HGSNAT: variants seen among roughly 807,000 people sequenced by gnomAD.
The protein encoded by HGSNAT is transmembrane protein 76.
In HGSNAT, 59 loss-of-function variants were observed where a neutral mutation model predicts 85.2. The ratio of observed to expected loss-of-function variants is 0.69; its 90% CI spans 0.56 to 0.86. The LOEUF (loss-of-function observed/expected upper bound fraction) is 0.86. Among genes scored for constraint, HGSNAT ranks in the 40% least tolerant of loss-of-function variants. The pLI is 0.00. For synonymous variants in HGSNAT, 321 were observed against 304.5 expected (o/e 1.05, Z -0.56); for missense variants, 756 against 777.1 (o/e 0.97, Z 0.32).
intron 7 of HGSNAT, among the ~76,000 whole-genome samples, chr8:43,171,148 C>G (rs1803613781): frequency 6.6e-6 from 1 of 152,134 alleles, no homozygotes; most frequent in Non-Finnish European, 1.5e-5. Context: ...ACCCATAGCC[C>G]TGGTAGAAGA....
chr8:43,143,847 A>G (rs1052264911), intron 1 of HGSNAT, among the ~76,000 whole-genome samples: 1 of 151,788 alleles, frequency 6.6e-6, no homozygotes, highest in African/African-American at 2.4e-5. Context: ...TGCCTGGCCC[A>G]CCAGGAGCTA....
chr8:43,197,983 G>A, intron 17 of HGSNAT, 31 bp downstream of exon 17: 1 of 1,508,792 alleles, frequency 6.6e-7, no homozygotes, highest in Non-Finnish European at 9.2e-7. Flanking sequence ...AACAGAGCTG[G>A]GATGGTGACC....
chr8:43,158,892 C>T (rs1468165837), intron 3 of HGSNAT, 31 bp from the exon 4 acceptor site: 4 of 1,587,716 alleles, frequency 2.5e-6, no homozygotes, highest in Admixed American at 1.8e-5. Context: ...CTAATCTAAC[C>T]ACTTGTCTTA....
chr8:43,140,883 C>T (rs1292757367), intron 1 of HGSNAT, among the ~76,000 whole-genome samples: 4 of 152,180 alleles, frequency 2.6e-5, no homozygotes, highest in Non-Finnish European at 4.4e-5. Context: ...GGCGCCCACC[C>T]CAGCGGAGCC....
At chr8:43,147,333 C>T (rs1462284909) in intron 2 of HGSNAT, among the ~76,000 whole-genome samples, 2 of 152,192 alleles carry the variant, frequency 1.3e-5, no homozygotes, top group African/African-American at 4.8e-5. Flanking sequence ...TTTTCCTCCT[C>T]TCTAGTGCAT....
intron 11 of HGSNAT, among the ~76,000 whole-genome samples, chr8:43,183,436 G>A (rs527791037): frequency 7.6e-4 from 115 of 151,486 alleles, no homozygotes; most frequent in African/African-American, 2.7e-3. Context: ...CAAAATGCTA[G>A]GACTACAGGT....
intron 2 of HGSNAT, among the ~76,000 whole-genome samples, chr8:43,148,505 A>G (rs1802785001): frequency 6.6e-6 from 1 of 151,396 alleles, no homozygotes; most frequent in South Asian, 2.1e-4. Flanking sequence ...ATTAAAAAAG[A>G]GGCCAGGCAT....
At position 43,154,366 on chromosome 8, in the gene HGSNAT, C is replaced by T. The variant is rs138069981; in HGVS notation, c.235-4209C>T. Among the ~76,000 whole-genome samples, 476 of 140,740 alleles carry T rather than the reference C, an allele frequency of 3.4e-3. 4 individuals carry two copies. The highest frequency in any genetic ancestry group is 0.011 in the African/African-American group (432 of 38,506). 92.3% of individuals were successfully genotyped at this position (140,740 alleles called of 152,430 possible). A position where few individuals can be genotyped will look rare whatever the true frequency, so the allele number is the denominator to read the frequency against. On this transcript the variant is annotated intron_variant, in intron 2 of 17. Transcript: ENST00000379644. The stretch of plus-strand genomic sequence containing the variant: ...CCCCTCCCCCCACCGCACAGCAGGT[C>T]CTGGTGTGTGATGTTCCCCTTCCTG...
chr8:43,183,889 G>A (rs1438539663), intron 11 of HGSNAT, among the ~76,000 whole-genome samples: 9 of 152,062 alleles, frequency 5.9e-5, no homozygotes, highest in Non-Finnish European at 1.3e-4. Context: ...TGTAGTGTTT[G>A]GTTTTCTGTC....
chr8:43,190,997 G>C (rs1399881566), intron 11 of HGSNAT, among the ~76,000 whole-genome samples: 1 of 152,190 alleles, frequency 6.6e-6, no homozygotes, highest in Non-Finnish European at 1.5e-5. Flanking sequence ...TATACATGAA[G>C]TCATATAACG....
rs192866498 is a variant in HGSNAT at position 43,166,504 on chromosome 8, A to T, written c.564-2669A>T. On this transcript the variant is annotated intron_variant, in intron 5 of 17. Transcript: ENST00000379644. Reference sequence around the variant, plus strand: ...CCTCTGTCTGTGCTCAATAAATGGAACAGCAAAGCCTGGATGACAGCACAT... The same window carrying T: ...CCTCTGTCTGTGCTCAATAAATGGATCAGCAAAGCCTGGATGACAGCACAT... Among the ~76,000 whole-genome samples, 13 of 152,352 alleles carry T rather than the reference A, an allele frequency of 8.5e-5. No individual in the cohort carries two copies. The East Asian group carries it at 2.3e-3, about 27-fold the overall frequency.
intron 5 of HGSNAT, 39 bp from the exon 6 acceptor site, chr8:43,169,134 A>C: frequency 7.7e-7 from 1 of 1,293,194 alleles, no homozygotes; most frequent in Non-Finnish European, 1.1e-6. Context: ...AAATTCTGCC[A>C]ATGAAAATAA....
rs1260742657 is a variant in HGSNAT at position 43,140,574 on chromosome 8, C to A, written c.78C>A (p.Gly26=). 5.7e-6 allele frequency: 7 copies of A among 1,226,874 alleles called. No homozygotes were observed. Among genetic ancestry groups the A allele is most frequent in the South Asian group, 2.5e-5 (1 of 40,208 alleles). 76.0% of individuals were successfully genotyped at this position (1,226,874 alleles called of 1,614,324 possible). The change falls in exon 1 of 18, where the codon GGC becomes GGA. Residue 26 remains glycine, a synonymous_variant. Transcript: ENST00000379644. ...TGAGCGCCGCGCTGCTGGCCCCCGGCGGCTCTTCGGGGCGCGATGCCCAGG... is the reference window on the plus strand; with the variant it reads ...TGAGCGCCGCGCTGCTGGCCCCCGGAGGCTCTTCGGGGCGCGATGCCCAGG... ...SVLSAALLAP[G]GSSGRDAQAA...
intron 4 of HGSNAT, among the ~76,000 whole-genome samples, chr8:43,161,032 G>A (rs1803250836): frequency 6.6e-6 from 1 of 152,200 alleles, no homozygotes; most frequent in Admixed American, 6.5e-5. Context: ...GGCACACAGT[G>A]TCAGGCTGTC....
At chr8:43,166,822 C>T (rs1027052546) in intron 5 of HGSNAT, among the ~76,000 whole-genome samples, 24 of 152,178 alleles carry the variant, frequency 1.6e-4, no homozygotes, top group African/African-American at 5.6e-4. Flanking sequence ...TCCAATGAAT[C>T]TGGGCAAAGT....
intron 5 of HGSNAT, among the ~76,000 whole-genome samples, chr8:43,168,384 C>CTTTTTTTTTTTTTTTTTTT (rs34270087): frequency 2.8e-5 from 2 of 70,224 alleles, no homozygotes; most frequent in African/African-American, 6.6e-5. Context: ...AATAGTTGAT[C>CTTTTTTTTTTTTTTTTTTT]TTTTTTTTTT....
rs2130647333 is a variant in HGSNAT, at chr8:43,140,485, C to A, written c.-12C>A. On this transcript the variant is annotated 5_prime_UTR_variant, in exon 1 of 18. Transcript: ENST00000379644. Reference sequence around the variant, plus strand: ...CAGCGGGCAGGCAAGGGCGGCCGAGCGGGCGGCGGGCATGAGCGGGGCGGG... The same window carrying A: ...CAGCGGGCAGGCAAGGGCGGCCGAGAGGGCGGCGGGCATGAGCGGGGCGGG... 1.0e-6 allele frequency: 1 copy of A among 996,372 alleles called. No individual in the cohort carries two copies. Among genetic ancestry groups the A allele is most frequent in the Non-Finnish European group, 1.2e-6 (1 of 836,314 alleles). 61.7% of individuals were successfully genotyped at this position (996,372 alleles called of 1,614,324 possible).
intron 7 of HGSNAT, among the ~76,000 whole-genome samples, chr8:43,171,790 G>A (rs1347550964): frequency 6.6e-6 from 1 of 152,222 alleles, no homozygotes; most frequent in Non-Finnish European, 1.5e-5. Context: ...GTTAGCTGCT[G>A]TAAAATACAT....
chr8:43,162,259 C>T (rs1365281054), intron 5 of HGSNAT, among the ~76,000 whole-genome samples: 6 of 152,268 alleles, frequency 3.9e-5, no homozygotes, highest in East Asian at 1.9e-4. Context: ...ACCTCTAAGT[C>T]GGCTAGCTTG....
Sources: gnomAD v4.1 joint callset for allele counts (sites outside exome capture counted in the v4.1 genomes callset) on GRCh38, gnomAD v4.1.1 for gene constraint, MANE v1.5 for transcripts, NCBI Gene and HGNC (gene_info 2026-07-23, HGNC 2026-07-21) for gene names.